The following RHOJ variants were observed in gnomAD, a reference collection of about 807,000 sequenced individuals.
RHOJ encodes the protein rho-related GTP-binding protein RhoJ.
In RHOJ, 11 loss-of-function variants were observed where a neutral mutation model predicts 23.4. The ratio of observed to expected loss-of-function variants is 0.47; its 90% CI spans 0.30 to 0.78. RHOJ has a LOEUF of 0.78. Ranked by LOEUF, RHOJ falls within the 30% of genes least tolerant of loss-of-function variation. The probability of loss-of-function intolerance (pLI) is 0.08; values close to 1 mark genes in which losing one functional copy is unlikely to be tolerated. For synonymous variants in RHOJ, 102 were observed against 102.7 expected, an observed-to-expected ratio of 0.99 and a Z score of 0.04; for missense variants, 254 against 273.4, an observed-to-expected ratio of 0.93 and a Z score of 0.50.
chr14:63,278,284 T>C (rs1286959164), intron 2 of RHOJ, among the ~76,000 whole-genome samples: 1 of 152,204 alleles, frequency 6.6e-6, no homozygotes, highest in East Asian at 1.9e-4. Context: ...AGTCCCGTGT[T>C]CTGCATACTC....
At chr14:63,211,070 T>G (rs1005339479) in intron 1 of RHOJ, among the ~76,000 whole-genome samples, 2 of 152,212 alleles carry the variant, frequency 1.3e-5, no homozygotes, top group East Asian at 3.9e-4. Flanking sequence ...AAGTTGTTTT[T>G]ACAGAAAGCT....
intron 1 of RHOJ, among the ~76,000 whole-genome samples, chr14:63,264,857 A>G (rs990354862): frequency 1.3e-5 from 2 of 152,066 alleles, no homozygotes; most frequent in Non-Finnish European, 2.9e-5. Flanking sequence ...TTTATTAAAA[A>G]GTTTTTTGGT....
chr14:63,274,163 A>G (rs1881639740), intron 2 of RHOJ, among the ~76,000 whole-genome samples: 1 of 152,340 alleles, frequency 6.6e-6, no homozygotes. Context: ...AAGGACACAC[A>G]TAAGCCTTCC....
chr14:63,279,326 G>C (rs573056298), intron 2 of RHOJ, among the ~76,000 whole-genome samples: 1 of 152,208 alleles, frequency 6.6e-6, no homozygotes, highest in South Asian at 2.1e-4. Flanking sequence ...CATATATAGT[G>C]TGTATACACA....
chr14:63,205,247 TC>T (rs1894084077), intron 1 of RHOJ, among the ~76,000 whole-genome samples, 200 bp downstream of exon 1: 1 of 152,140 alleles, frequency 6.6e-6, no homozygotes, highest in South Asian at 2.1e-4. Flanking sequence ...GTAACACTTT[TC>T]CCCCGTAAAA....
intron 1 of RHOJ, among the ~76,000 whole-genome samples, chr14:63,253,653 T>C (rs1310411106): frequency 6.6e-6 from 1 of 152,252 alleles, no homozygotes; most frequent in Non-Finnish European, 1.5e-5. Context: ...TTAGCACTTA[T>C]TGATTTGTAA....
chr14:63,238,439 C>T (rs951055581), intron 1 of RHOJ, among the ~76,000 whole-genome samples: 4 of 143,862 alleles, frequency 2.8e-5, no homozygotes, highest in African/African-American at 1.2e-4. Context: ...TTTTTTTAGA[C>T]AGGGTCTGGT....
At chr14:63,260,926 A>C (rs1895261107) in intron 1 of RHOJ, among the ~76,000 whole-genome samples, 1 of 151,932 alleles carries the variant, frequency 6.6e-6, no homozygotes, top group Admixed American at 6.6e-5. Context: ...ATTAGCTTTT[A>C]TTCTGTCATG....
chr14:63,204,510 C>A lies in RHOJ; in HGVS notation c.-360C>A. 2 of 217,768 alleles carry A rather than the reference C, an allele frequency of 9.2e-6. No homozygotes were observed. Among genetic ancestry groups the A allele is most frequent in the Non-Finnish European group, 1.8e-5 (2 of 110,070 alleles). 13.5% of individuals were successfully genotyped at this position (217,768 alleles called of 1,614,324 possible). A position where few individuals can be genotyped will look rare whatever the true frequency, so the allele number is the denominator to read the frequency against. ...AAATGAGAAAGATTTAGCAAAATTC[C>A]ACCGTATCTTTTGCCAGGCTAGAGA... is the stretch of plus-strand genomic sequence containing the variant. On this transcript the variant is annotated 5_prime_UTR_variant, in exon 1 of 5. Coordinates refer to ENST00000316754, the MANE Select transcript of RHOJ (RefSeq NM_020663.5).
In RHOJ at chr14:63,254,431, T is replaced by C. The variant is rs534577174; in HGVS notation, c.179-14679T>C. Reference sequence around the variant, plus strand: ...GATGTGATCCCCTGAGAAATGTATGTGCTCCTGGGGGAGGGGGGCATTTAA... The same window carrying C: ...GATGTGATCCCCTGAGAAATGTATGCGCTCCTGGGGGAGGGGGGCATTTAA... On this transcript the variant is annotated intron_variant, in intron 1 of 4. Coordinates refer to ENST00000316754, the MANE Select transcript of RHOJ (RefSeq NM_020663.5). Among the ~76,000 whole-genome samples, 23 of 152,208 alleles carry C rather than the reference T, an allele frequency of 1.5e-4. 1 individual carries two copies. Among genetic ancestry groups the C allele is most frequent in the African/African-American group, 5.5e-4 (23 of 41,560 alleles).
chr14:63,249,042 G>C (rs1366855718), intron 1 of RHOJ, among the ~76,000 whole-genome samples: 2 of 152,186 alleles, frequency 1.3e-5, no homozygotes, highest in Non-Finnish European at 2.9e-5. Flanking sequence ...TCAAGGACAT[G>C]GGATATACAA....
chr14:63,269,318 G>A (rs1286012973), intron 2 of RHOJ, 150 bp downstream of exon 2: 2 of 508,152 alleles, frequency 3.9e-6, no homozygotes, highest in Non-Finnish European at 7.0e-6. Flanking sequence ...ACGACCAAAA[G>A]CACATTCTCA....
At chr14:63,226,488 C>A (rs1894596175) in intron 1 of RHOJ, among the ~76,000 whole-genome samples, 1 of 150,538 alleles carries the variant, frequency 6.6e-6, no homozygotes, top group African/African-American at 2.4e-5. Context: ...AAAAGTAAGC[C>A]AGATGTAACA....
intron 1 of RHOJ, among the ~76,000 whole-genome samples, chr14:63,209,590 T>C (rs1381101819): frequency 1.3e-5 from 2 of 152,238 alleles, no homozygotes; most frequent in Non-Finnish European, 2.9e-5. Context: ...TGCCACATCT[T>C]TCATTATAAT....
chr14:63,251,702 T>C (rs1445721348), intron 1 of RHOJ, among the ~76,000 whole-genome samples: 5 of 152,220 alleles, frequency 3.3e-5, no homozygotes, highest in Admixed American at 6.5e-5. Context: ...GGAGGTCCTC[T>C]CTCCCAAACA....
At chr14:63,262,909 T>G (rs1895298041) in intron 1 of RHOJ, among the ~76,000 whole-genome samples, 1 of 152,240 alleles carries the variant, frequency 6.6e-6, no homozygotes, top group African/African-American at 2.4e-5. Context: ...AATTCACAAA[T>G]ATTAAGATCA....
chr14:63,260,895 T>C (rs1895260601), intron 1 of RHOJ, among the ~76,000 whole-genome samples: 1 of 152,180 alleles, frequency 6.6e-6, no homozygotes, highest in African/African-American at 2.4e-5. Context: ...AAATACCTGA[T>C]AGTACTTATA....
intron 1 of RHOJ, among the ~76,000 whole-genome samples, chr14:63,208,916 A>G (rs1413181218): frequency 1.3e-5 from 2 of 152,034 alleles, no homozygotes; most frequent in Non-Finnish European, 2.9e-5. Context: ...TAACTTCCCC[A>G]AGCTACTCTT....
chr14:63,285,641 T>C, intron 4 of RHOJ, among the ~76,000 whole-genome samples: 1 of 152,208 alleles, frequency 6.6e-6, no homozygotes, highest in East Asian at 1.9e-4. Flanking sequence ...TCATTATTCT[T>C]TGACTTCTTT....
Sources: allele counts gnomAD v4.1 joint callset (sites outside exome capture counted in the v4.1 genomes callset), GRCh38; gene constraint gnomAD v4.1.1; transcripts MANE v1.5; gene names NCBI Gene and HGNC (gene_info 2026-07-23, HGNC 2026-07-21).